TOX4: variants seen among roughly 807,000 people sequenced by gnomAD.
The protein encoded by TOX4 is epidermal Langerhans cell protein LCP1.
In TOX4, 12 loss-of-function variants were observed where a neutral mutation model predicts 61.0. The ratio of observed to expected loss-of-function variants is 0.20; its 90% CI spans 0.13 to 0.32. TOX4 has a LOEUF of 0.32. Ranked by LOEUF, TOX4 falls within the 10% of genes least tolerant of loss-of-function variation. The pLI, the probability that TOX4 is intolerant of heterozygous loss-of-function variation, is 1.00. For synonymous variants in TOX4, 268 were observed against 274.8 expected (o/e 0.98, Z 0.24); for missense variants, 499 against 753.3 (o/e 0.66, Z 3.95).
chr14:21,492,471 T>TTA lies in TOX4; in HGVS notation c.892-36_892-35insAT, dbSNP rs748688501. On this transcript the variant is annotated intron_variant, in intron 6 of 8. Transcript: ENST00000448790. The stretch of plus-strand genomic sequence containing the variant: ...TTAAGAAGTAAATACCACCAAGTGA[T>TTA]TGATTAATTGATAGATTGATTTATG... The TTA allele has an allele frequency of 2.5e-6, 4 of 1,610,380 alleles. No homozygotes were observed. The African/African-American group carries it at 5.4e-5, about 22-fold the overall frequency.
chr14:21,483,692 C>A (rs1047274313), intron 2 of TOX4, among the ~76,000 whole-genome samples: 2 of 151,794 alleles, frequency 1.3e-5, no homozygotes, highest in African/African-American at 4.8e-5. Context: ...AAAAAAACAA[C>A]AACAAAACAA....
At position 21,487,441 on chromosome 14, in the gene TOX4, T is replaced by G. The variant is rs1891207354; in HGVS notation, c.76-10T>G. On this transcript the variant is annotated splice_polypyrimidine_tract_variant and intron_variant, in intron 2 of 8. Transcript: ENST00000448790. ...TTCACTAATTCTTTTCCCCCTTTTTTCCCCTACAGACATTCCATACACCAA... is the reference window on the plus strand; with the variant it reads ...TTCACTAATTCTTTTCCCCCTTTTTGCCCCTACAGACATTCCATACACCAA... The G allele has an allele frequency of 1.2e-6, 2 of 1,610,968 alleles. No homozygotes were observed.
chr14:21,491,068 G>A (rs1383598227), intron 5 of TOX4, among the ~76,000 whole-genome samples: 2 of 152,350 alleles, frequency 1.3e-5, no homozygotes, highest in South Asian at 2.1e-4. Context: ...CAGGTGATCC[G>A]CCTGCCTTGT....
intron 8 of TOX4, 130 bp from the exon 9 acceptor site, chr14:21,496,416 A>G (rs1400349341): frequency 1.4e-6 from 1 of 704,616 alleles, no homozygotes; most frequent in African/African-American, 1.8e-5. Flanking sequence ...AGTCCCAGCT[A>G]CTCGGGAGGC....
At position 21,492,808 on chromosome 14, in the gene TOX4, C is replaced by T; in HGVS notation, c.1192C>T (p.Arg398Trp). Residue 398 changes from arginine (R) to tryptophan (W), a missense_variant, in exon 7 of 9, where the codon CGG (arginine) becomes TGG (tryptophan). Physicochemically the swap from Arg to Trp is moderately radical, Grantham distance 101. Transcript: ENST00000448790. ...TATCCCAGCCACAGTGGTGACCTCC[C>T]GGGGGCTCCAACTAGGCCAAACCAG... is the stretch of plus-strand genomic sequence containing the variant. Reference protein sequence around the residue: ...TVIPATVVTSRGLQLGQTSTA... With the variant: ...TVIPATVVTSWGLQLGQTSTA... 6.2e-7 allele frequency: 1 copy of T among 1,614,080 alleles called. No homozygotes were observed. Among genetic ancestry groups the T allele is most frequent in the Non-Finnish European group, 8.5e-7 (1 of 1,180,008 alleles).
chr14:21,481,953 A>C (rs1010620940), intron 2 of TOX4, among the ~76,000 whole-genome samples: 1 of 152,236 alleles, frequency 6.6e-6, no homozygotes, highest in South Asian at 2.1e-4. Flanking sequence ...AATGTTCTGC[A>C]TCTTTGATCT....
chr14:21,493,342 T>C, intron 7 of TOX4, 85 bp downstream of exon 7: 3 of 1,445,976 alleles, frequency 2.1e-6, no homozygotes, highest in South Asian at 2.8e-5. Flanking sequence ...GGGTTGCTAC[T>C]AGCATTTAAT....
In TOX4 at chr14:21,498,249, G is replaced by A; in HGVS notation, c.*1643G>A. The A allele has an allele frequency of 6.8e-7, 1 of 1,479,946 alleles. No individual in the cohort carries two copies. The highest frequency in any genetic ancestry group is 9.5e-7 in the Non-Finnish European group (1 of 1,057,650). 91.7% of individuals were successfully genotyped at this position (1,479,946 alleles called of 1,614,324 possible). ...GGCTATGGATTCTTAGCTCTGTAAG[G>A]AAGTGCTTCTATAAATTCTTAGGTT... On this transcript the variant is annotated 3_prime_UTR_variant, in exon 9 of 9. Coordinates refer to ENST00000448790, the MANE Select transcript of TOX4 (RefSeq NM_014828.4).
At chr14:21,480,550 A>C (rs1385306108) in intron 2 of TOX4, among the ~76,000 whole-genome samples, 2 of 152,024 alleles carry the variant, frequency 1.3e-5, no homozygotes, top group Non-Finnish European at 2.9e-5. Flanking sequence ...GTTTTTTTTT[A>C]CAAGAGAGGA....
chr14:21,484,412 A>C (rs1891164067), intron 2 of TOX4, among the ~76,000 whole-genome samples: 1 of 122,902 alleles, frequency 8.1e-6, no homozygotes, highest in African/African-American at 3.1e-5. Flanking sequence ...GCAGTGGCAC[A>C]ATCTCGGCTC....
chr14:21,498,741 A>G lies in TOX4; in HGVS notation c.*2135A>G. On this transcript the variant is annotated 3_prime_UTR_variant, in exon 9 of 9. Transcript: ENST00000448790. ...TTAAATAGATAACTTCGTAACCACC[A>G]GGGGGCAGATTCAATACATCACAGA... 1 of 471,390 alleles carries G rather than the reference A, an allele frequency of 2.1e-6. No individual in the cohort carries two copies. The highest frequency in any genetic ancestry group is 3.8e-6 in the Non-Finnish European group (1 of 264,520). The allele number at this position is 471,390 out of a possible 1,614,324, so 29.2% of individuals were successfully genotyped here. A position where few individuals can be genotyped will look rare whatever the true frequency, so the allele number is the denominator to read the frequency against.
chr14:21,492,162 T>C (rs1471888977), intron 5 of TOX4, 134 bp from the exon 6 acceptor site: 5 of 824,038 alleles, frequency 6.1e-6, no homozygotes, highest in Non-Finnish European at 5.7e-6. Context: ...CTTTCAGAAT[T>C]GAATTCACTG....
At chr14:21,480,048 G>T (rs1891081693) in intron 2 of TOX4, among the ~76,000 whole-genome samples, 1 of 152,060 alleles carries the variant, frequency 6.6e-6, no homozygotes, top group South Asian at 2.1e-4. Context: ...GTCCAGGCTG[G>T]TCTCAAATTC....
chr14:21,486,235 A>G (rs1891188960), intron 2 of TOX4, among the ~76,000 whole-genome samples: 1 of 107,306 alleles, frequency 9.3e-6, no homozygotes, highest in Admixed American at 8.4e-5. Context: ...TTATGAAAAA[A>G]AAAAATGTTG....
At position 21,486,210 on chromosome 14, in the gene TOX4, G is replaced by C. The variant is rs555114901; in HGVS notation, c.76-1241G>C. ...GGAACCTTTAGGAACTCTATTTAAA[G>C]AATGCATTGTTCAATTATGAAAAAA... On this transcript the variant is annotated intron_variant, in intron 2 of 8. Transcript: ENST00000448790. Among the ~76,000 whole-genome samples, 7 of 103,558 alleles carry C rather than the reference G, an allele frequency of 6.8e-5. 3 individuals are homozygous for C. Among genetic ancestry groups the C allele is most frequent in the Admixed American group, 3.5e-4 (4 of 11,536 alleles). 67.9% of individuals were successfully genotyped at this position (103,558 alleles called of 152,430 possible).
At chr14:21,483,578 A>C (rs1274703534) in intron 2 of TOX4, among the ~76,000 whole-genome samples, 1 of 152,018 alleles carries the variant, frequency 6.6e-6, no homozygotes, top group African/African-American at 2.4e-5. Context: ...TTGGGAGGCC[A>C]AGGTGGGAAG....
Position 21,495,222 on chromosome 14 carries a change from C to T in TOX4, c.1642-7C>T. The T allele has an allele frequency of 1.9e-6, 3 of 1,613,516 alleles. No homozygotes were observed. Among genetic ancestry groups the T allele is most frequent in the African/African-American group, 2.7e-5 (2 of 75,032 alleles). The stretch of plus-strand genomic sequence containing the variant: ...AATCCACCTTGGTACTCTTCTTCTT[C>T]TCACAGGTTGAGTCTCCTTCTCAGA... On this transcript the variant is annotated splice_polypyrimidine_tract_variant and splice_region_variant and intron_variant, in intron 7 of 8. Coordinates refer to ENST00000448790, the MANE Select transcript of TOX4 (RefSeq NM_014828.4).
intron 2 of TOX4, among the ~76,000 whole-genome samples, chr14:21,477,950 G>C (rs1286943211): frequency 6.6e-6 from 1 of 152,146 alleles, no homozygotes; most frequent in Admixed American, 6.5e-5. Flanking sequence ...GTTTTCTTTT[G>C]TTTTGAGACA....
rs1369235130 is a variant in TOX4, at chr14:21,477,493, C to T, written c.7-3C>T. 1 of 1,613,410 alleles carries T rather than the reference C, an allele frequency of 6.2e-7. No individual in the cohort carries two copies. The highest frequency in any genetic ancestry group is 8.5e-7 in the Non-Finnish European group (1 of 1,180,030). ...ATCCCCGCGACTTTCTTTTGGTTTC[C>T]AGTTTCCCGGAGGAAATGACAATTA... On this transcript the variant is annotated splice_region_variant and splice_polypyrimidine_tract_variant and intron_variant, in intron 1 of 8. Transcript: ENST00000448790.
Sources: gnomAD v4.1 joint callset for allele counts (sites outside exome capture counted in the v4.1 genomes callset) on GRCh38, gnomAD v4.1.1 for gene constraint, MANE v1.5 for transcripts, NCBI Gene and HGNC (gene_info 2026-07-23, HGNC 2026-07-21) for gene names.